The following KCNH5 variants were observed in gnomAD, a reference collection of about 807,000 sequenced individuals.
KCNH5 encodes the protein potassium voltage-gated channel subfamily H member 5.
Under a neutral mutation model 96.1 loss-of-function variants are expected in KCNH5, and 46 were observed. The ratio of observed to expected loss-of-function variants is 0.48; its 90% confidence interval spans 0.38 to 0.61. The LOEUF is 0.61. Among genes scored for constraint, KCNH5 ranks in the 20% least tolerant of loss-of-function variants. The probability of loss-of-function intolerance (pLI) is 0.00; values close to 1 mark genes in which losing one functional copy is unlikely to be tolerated. For synonymous variants in KCNH5, 439 were observed against 449.8 expected (o/e 0.98, Z 0.30); for missense variants, 907 against 1,225.8 (o/e 0.74, Z 3.88).
chr14:62,794,758 A>C (rs1026966403), intron 9 of KCNH5, among the ~76,000 whole-genome samples: 1 of 152,056 alleles, frequency 6.6e-6, no homozygotes, highest in Non-Finnish European at 1.5e-5. Context: ...GTGGGGGCTC[A>C]TTTGCTAATG....
At chr14:63,034,964 A>G (rs1258549431) in intron 1 of KCNH5, among the ~76,000 whole-genome samples, 2 of 152,208 alleles carry the variant, frequency 1.3e-5, no homozygotes, top group African/African-American at 4.8e-5. Context: ...GCAAAATATA[A>G]TTGCAATAAT....
intron 10 of KCNH5, among the ~76,000 whole-genome samples, chr14:62,762,331 C>T (rs1227360965): frequency 6.6e-6 from 1 of 152,118 alleles, no homozygotes; most frequent in Admixed American, 6.5e-5. Context: ...CCCTGCAAGC[C>T]CATGCCCACT....
chr14:62,883,857 A>G (rs1246895567), intron 7 of KCNH5, among the ~76,000 whole-genome samples: 1 of 152,162 alleles, frequency 6.6e-6, no homozygotes, highest in African/African-American at 2.4e-5. Context: ...GTGTGAGTTA[A>G]GAATCTTTAA....
intron 7 of KCNH5, among the ~76,000 whole-genome samples, chr14:62,933,935 T>C (rs192174282): frequency 6.6e-6 from 1 of 152,238 alleles, no homozygotes; most frequent in East Asian, 1.9e-4. Context: ...CAGCTCTGTC[T>C]TCCCTGGTAT....
At chr14:62,918,641 T>G (rs1889321991) in intron 7 of KCNH5, among the ~76,000 whole-genome samples, 1 of 152,058 alleles carries the variant, frequency 6.6e-6, no homozygotes, top group African/African-American at 2.4e-5. Context: ...ACCTCACTAA[T>G]CACTGAATAT....
At chr14:63,040,661 A>G (rs938689065) in intron 1 of KCNH5, among the ~76,000 whole-genome samples, 2 of 152,124 alleles carry the variant, frequency 1.3e-5, no homozygotes, top group African/African-American at 2.4e-5. Flanking sequence ...TTTCTTTTAA[A>G]TTGGCTAATT....
chr14:62,990,959 A>C (rs984182335), intron 4 of KCNH5, among the ~76,000 whole-genome samples: 1 of 152,102 alleles, frequency 6.6e-6, no homozygotes, highest in Non-Finnish European at 1.5e-5. Flanking sequence ...CACTATAATG[A>C]GAACAGCATG....
intron 7 of KCNH5, among the ~76,000 whole-genome samples, chr14:62,939,662 G>A (rs1427623975): frequency 1.3e-5 from 2 of 152,128 alleles, no homozygotes; most frequent in African/African-American, 4.8e-5. Flanking sequence ...AAGCTTGGCT[G>A]GGCATGGTGG....
chr14:62,989,310 GCTCTGC>G (rs1307562249), intron 4 of KCNH5, among the ~76,000 whole-genome samples: 1 of 151,958 alleles, frequency 6.6e-6, no homozygotes, highest in Admixed American at 6.6e-5. Flanking sequence ...CAAGTGATTT[GCTCTGC>G]CTCTGTCTCT....
rs76192545 is a variant in KCNH5, at chr14:63,006,835, T to A, written c.198-363A>T. On this transcript the variant is annotated intron_variant, in intron 2 of 10. Transcript: ENST00000322893. ...ACAACCAGTCACTGATCACATCACT[T>A]CTTTCAAAGCCTGTCAGTATTGGAA... 9.2e-3 allele frequency among the ~76,000 whole-genome samples: 1,396 copies of A among 152,324 alleles called. 10 individuals are homozygous for A. Among genetic ancestry groups the A allele is most frequent in the Middle Eastern group, 0.034 (10 of 294 alleles).
chr14:62,946,680 C>T (rs569587771), intron 7 of KCNH5, among the ~76,000 whole-genome samples: 63 of 152,110 alleles, frequency 4.1e-4, no homozygotes, highest in South Asian at 1.5e-3. Flanking sequence ...ATACAATGTC[C>T]TTCAATAGAT....
At chr14:62,723,647 G>A (rs1310807776) in intron 10 of KCNH5, among the ~76,000 whole-genome samples, 1 of 152,154 alleles carries the variant, frequency 6.6e-6, no homozygotes, top group Admixed American at 6.5e-5. Context: ...AGTGTGGGGT[G>A]AAAGTTTTTA....
intron 10 of KCNH5, among the ~76,000 whole-genome samples, chr14:62,759,046 T>C (rs79647078): frequency 1.2e-3 from 181 of 151,304 alleles, no homozygotes; most frequent in African/African-American, 4.3e-3. Flanking sequence ...AATTTTTAGT[T>C]CTGAGAACAA....
chr14:62,961,870 G>A (rs1010965958), intron 6 of KCNH5, among the ~76,000 whole-genome samples: 3 of 151,786 alleles, frequency 2.0e-5, no homozygotes, highest in Admixed American at 2.0e-4. Flanking sequence ...AGATGCAGAT[G>A]CAAATGCAGA....
intron 2 of KCNH5, among the ~76,000 whole-genome samples, chr14:63,009,704 T>G (rs1337569469): frequency 6.6e-6 from 1 of 152,184 alleles, no homozygotes; most frequent in Non-Finnish European, 1.5e-5. Flanking sequence ...TCAGCCAAAG[T>G]TGTCCAAGCC....
chr14:62,849,446 A>T (rs113958025), intron 8 of KCNH5, among the ~76,000 whole-genome samples: 5 of 152,316 alleles, frequency 3.3e-5, no homozygotes, highest in African/African-American at 9.6e-5. Context: ...ATTGAATGTG[A>T]TGACTGGTAA....
chr14:62,733,513 C>T (rs1885094157), intron 10 of KCNH5, among the ~76,000 whole-genome samples: 1 of 152,146 alleles, frequency 6.6e-6, no homozygotes, highest in Non-Finnish European at 1.5e-5. Flanking sequence ...AAGCAACCCC[C>T]AGTATATGGC....
chr14:62,990,121 A>G (rs958980543), intron 4 of KCNH5, among the ~76,000 whole-genome samples: 1 of 152,104 alleles, frequency 6.6e-6, no homozygotes, highest in African/African-American at 2.4e-5. Context: ...GTTTATCCAG[A>G]AAACATTTTG....
chr14:62,953,678 C>A (rs1422895315), intron 6 of KCNH5, among the ~76,000 whole-genome samples: 1 of 152,168 alleles, frequency 6.6e-6, no homozygotes, highest in Non-Finnish European at 1.5e-5. Flanking sequence ...AGGGTCTCAC[C>A]ACTCAAAGTG....
Sources: allele counts gnomAD v4.1 joint callset (sites outside exome capture counted in the v4.1 genomes callset), GRCh38; gene constraint gnomAD v4.1.1; transcripts MANE v1.5; gene names NCBI Gene and HGNC (gene_info 2026-07-23, HGNC 2026-07-21).